The following NKAIN3 variants were observed in gnomAD, a reference collection of about 807,000 sequenced individuals.
NKAIN3 encodes sodium/potassium-transporting ATPase subunit beta-1-interacting protein 3.
A neutral mutation model predicts 30.2 loss-of-function variants in NKAIN3; 25 were observed. The ratio of observed to expected loss-of-function variants is 0.83; its 90% CI spans 0.60 to 1.16. The LOEUF (loss-of-function observed/expected upper bound fraction) is 1.16. NKAIN3 is among the 50% of genes most tolerant of loss of function. The pLI is 0.00. For missense variants in NKAIN3, 225 were observed against 254.1 expected (o/e 0.89, Z 0.78); for synonymous variants, 91 against 89.6 (o/e 1.02, Z -0.09).
At chr8:62,496,215 A>G (rs1439645774) in intron 1 of NKAIN3, among the ~76,000 whole-genome samples, 1 of 152,194 alleles carries the variant, frequency 6.6e-6, no homozygotes, top group African/African-American at 2.4e-5. Flanking sequence ...GTAAATGCAC[A>G]CAAGAAGAAA....
rs1050327909 is a variant in NKAIN3, at chr8:62,979,166, C to G, written c.*13759C>G. The G allele has an allele frequency of 6.6e-6, 1 of 152,052 alleles. No homozygotes were observed. The highest frequency in any genetic ancestry group is 1.5e-5 in the Non-Finnish European group (1 of 68,048). The allele number at this position is 152,052 out of a possible 1,614,324, so 9.4% of individuals were successfully genotyped here. ...CAGCTGTTCCTATTCGGCCATCTTG[C>G]CTGGGAATCTGTAATTATATTTTAT... On this transcript the variant is annotated 3_prime_UTR_variant, in exon 7 of 7. Transcript: ENST00000623646.
chr8:62,335,448 A>AAGAG (rs1554668212), intron 1 of NKAIN3, among the ~76,000 whole-genome samples: 2 of 150,534 alleles, frequency 1.3e-5, no homozygotes, highest in African/African-American at 4.9e-5. Context: ...AAAAAAAAAA[A>AAGAG]AAAGAAAGAA....
intron 1 of NKAIN3, among the ~76,000 whole-genome samples, chr8:62,505,530 A>T (rs868719639): frequency 3.9e-5 from 6 of 152,154 alleles, no homozygotes; most frequent in Admixed American, 6.6e-5. Flanking sequence ...GTTTTATATG[A>T]CTGTTAAGGT....
At chr8:62,940,070 T>C (rs961656863) in intron 5 of NKAIN3, among the ~76,000 whole-genome samples, 6 of 151,884 alleles carry the variant, frequency 4.0e-5, no homozygotes, top group African/African-American at 1.2e-4. Flanking sequence ...GGAAAAGATA[T>C]TCCATGTAAA....
At chr8:62,754,530 T>C (rs1816389145) in intron 4 of NKAIN3, among the ~76,000 whole-genome samples, 1 of 152,192 alleles carries the variant, frequency 6.6e-6, no homozygotes, top group African/African-American at 2.4e-5. Flanking sequence ...TCACTGTCAA[T>C]ATATTCTCCC....
intron 1 of NKAIN3, among the ~76,000 whole-genome samples, chr8:62,426,260 C>A (rs993546143): frequency 3.3e-5 from 5 of 151,898 alleles, no homozygotes; most frequent in Non-Finnish European, 7.4e-5. Flanking sequence ...AAGAGGAATG[C>A]ATGAAAAATT....
rs1012440183 is a variant in NKAIN3, at chr8:62,973,441, G to A, written c.*8034G>A. ...CAGTGATGATGAGATTTTTTTTTAC[G>A]TTTGTTGGCTGCATAAATGTCTTCT... On this transcript the variant is annotated 3_prime_UTR_variant, in exon 7 of 7. Transcript: ENST00000623646. 3.3e-5 allele frequency among the ~76,000 whole-genome samples: 5 copies of A among 151,828 alleles called. No homozygotes were observed. Among genetic ancestry groups the A allele is most frequent in the African/African-American group, 4.8e-5 (2 of 41,338 alleles).
At chr8:62,377,204 C>A (rs1217781942) in intron 1 of NKAIN3, among the ~76,000 whole-genome samples, 1 of 152,092 alleles carries the variant, frequency 6.6e-6, no homozygotes, top group Non-Finnish European at 1.5e-5. Context: ...ATTATGCACT[C>A]TTCTTTTAAA....
At chr8:62,482,942 A>G (rs4567032) in intron 1 of NKAIN3, 94,059 of 151,970 alleles carry the variant, frequency 0.62, 30,899 homozygotes, top group South Asian at 0.79. Context: ...TTTCAAAAGG[A>G]TGTTATAATC....
intron 5 of NKAIN3, among the ~76,000 whole-genome samples, chr8:62,945,094 G>T (rs1283335795): frequency 6.6e-6 from 1 of 152,164 alleles, no homozygotes; most frequent in East Asian, 1.9e-4. Flanking sequence ...AAACATATAA[G>T]AGCAGACAAA....
intron 1 of NKAIN3, among the ~76,000 whole-genome samples, chr8:62,439,601 T>G (rs981198528): frequency 3.9e-5 from 6 of 152,230 alleles, no homozygotes; most frequent in African/African-American, 1.4e-4. Context: ...TATGTCAGAC[T>G]TAGCAATCTC....
intron 1 of NKAIN3, among the ~76,000 whole-genome samples, chr8:62,407,605 G>A (rs1804114807): frequency 6.6e-6 from 1 of 151,974 alleles, no homozygotes; most frequent in South Asian, 2.1e-4. Context: ...TGTAAATTTT[G>A]TATTTTTAGT....
At chr8:62,748,490 T>C (rs1816162239) in intron 4 of NKAIN3, among the ~76,000 whole-genome samples, 1 of 152,168 alleles carries the variant, frequency 6.6e-6, no homozygotes, top group Admixed American at 6.5e-5. Context: ...ACTCAGCCTG[T>C]AGTTAATGTG....
intron 4 of NKAIN3, among the ~76,000 whole-genome samples, chr8:62,805,715 G>T (rs531152355): frequency 1.3e-5 from 2 of 152,118 alleles, no homozygotes; most frequent in Non-Finnish European, 2.9e-5. Flanking sequence ...GAAAACCTAG[G>T]CATTACCATT....
intron 3 of NKAIN3, among the ~76,000 whole-genome samples, chr8:62,600,504 G>A (rs974326553): frequency 1.3e-5 from 2 of 151,962 alleles, no homozygotes; most frequent in Non-Finnish European, 2.9e-5. Flanking sequence ...CCTCATCCAG[G>A]AGAGGCTAAC....
intron 3 of NKAIN3, among the ~76,000 whole-genome samples, chr8:62,653,400 C>A (rs983358447): frequency 6.6e-6 from 1 of 152,136 alleles, no homozygotes; most frequent in Admixed American, 6.5e-5. Context: ...TTCCCAAAGG[C>A]CCCACCTCCA....
chr8:62,693,966 T>C (rs528275962), intron 3 of NKAIN3, among the ~76,000 whole-genome samples: 2 of 152,306 alleles, frequency 1.3e-5, no homozygotes, highest in African/African-American at 4.8e-5. Flanking sequence ...TTTTTATTGA[T>C]ATATAATAAT....
chr8:62,355,976 A>G (rs1345030719), intron 1 of NKAIN3, among the ~76,000 whole-genome samples: 1 of 152,218 alleles, frequency 6.6e-6, no homozygotes. Flanking sequence ...GCTTTTAAAG[A>G]CAATATTTAA....
chr8:62,735,672 G>A (rs1375878936), intron 3 of NKAIN3, among the ~76,000 whole-genome samples: 2 of 152,064 alleles, frequency 1.3e-5, no homozygotes, highest in Admixed American at 6.5e-5. Flanking sequence ...TGGATCCATT[G>A]CTGGTGAACG....
Sources: gnomAD v4.1 joint callset for allele counts (sites outside exome capture counted in the v4.1 genomes callset) on GRCh38, gnomAD v4.1.1 for gene constraint, MANE v1.5 for transcripts, NCBI Gene and HGNC (gene_info 2026-07-23, HGNC 2026-07-21) for gene names.